The following ZXDC variants were observed in gnomAD, a reference collection of about 807,000 sequenced individuals.
The protein encoded by ZXDC is zinc finger protein ZXDC.
Under a neutral mutation model 63.6 loss-of-function variants are expected in ZXDC, and 58 were observed. The ratio of observed to expected loss-of-function variants is 0.91; its 90% CI spans 0.74 to 1.13. The LOEUF is 1.13. Ranked by LOEUF, ZXDC falls within the 50% of genes most tolerant of loss-of-function variation. The pLI is 0.00. For synonymous variants in ZXDC, 561 were observed against 496.1 expected (o/e 1.13, Z -1.74); for missense variants, 1,133 against 1,148.9 (o/e 0.99, Z 0.20).
intron 8 of ZXDC, 31 bp from the exon 9 acceptor site, chr3:126,439,758 A>T (rs780095467): frequency 2.9e-5 from 45 of 1,544,162 alleles, no homozygotes; most frequent in Non-Finnish European, 4.4e-6. Flanking sequence ...GGCCTGTCAC[A>T]TGTCTGTGAG....
chr3:126,471,490 C>T (rs1934978402), intron 3 of ZXDC, among the ~76,000 whole-genome samples: 1 of 152,152 alleles, frequency 6.6e-6, no homozygotes, highest in African/African-American at 2.4e-5. Context: ...ATCCTCAGAG[C>T]CCAGCTGTGC....
intron 7 of ZXDC, among the ~76,000 whole-genome samples, chr3:126,444,035 CTT>C (rs1467998820): frequency 6.6e-6 from 1 of 152,096 alleles, no homozygotes; most frequent in Non-Finnish European, 1.5e-5. Context: ...CAATTAAAAA[CTT>C]TTTTAAAATA....
chr3:126,474,827 T>A (rs1935118493), intron 1 of ZXDC, 132 bp downstream of exon 1: 1 of 1,085,680 alleles, frequency 9.2e-7, no homozygotes, highest in Middle Eastern at 3.1e-4. Flanking sequence ...TGGAAGGAGC[T>A]AGAATACAAA....
intron 4 of ZXDC, among the ~76,000 whole-genome samples, chr3:126,469,377 C>A (rs1934892852): frequency 6.6e-6 from 1 of 152,206 alleles, no homozygotes; most frequent in Admixed American, 6.5e-5. Flanking sequence ...ACCAAAAACA[C>A]AACATGTCCA....
intron 7 of ZXDC, among the ~76,000 whole-genome samples, chr3:126,444,977 G>C (rs1933826421): frequency 6.6e-6 from 1 of 152,138 alleles, no homozygotes; most frequent in African/African-American, 2.4e-5. Flanking sequence ...AAAAAAGATA[G>C]GCTGTAACGA....
In ZXDC at chr3:126,461,601, G is replaced by C. The variant is rs950318920; in HGVS notation, c.2061C>G (p.Pro687=). Residue 687 remains proline (P), a synonymous_variant, in exon 6 of 10, where the codon CCC becomes CCG. Coordinates refer to ENST00000389709, the MANE Select transcript of ZXDC (RefSeq NM_025112.5). The part of the protein sequence containing the change: ...GSHGLPQSTL[P]SPAEQHGAQD... ...GGGCACCGTGCTGCTCTGCTGGACT[G>C]GGCAACGTGGACTGGGGCAGCCCAT... 6.2e-7 allele frequency: 1 copy of C among 1,614,040 alleles called. No homozygotes were observed. Among genetic ancestry groups the C allele is most frequent in the African/African-American group, 1.3e-5 (1 of 74,912 alleles).
chr3:126,440,054 C>T (rs537450377), intron 8 of ZXDC: 26 of 1,156,032 alleles, frequency 2.2e-5, no homozygotes, highest in East Asian at 1.6e-4. Flanking sequence ...TGCCCTGGCA[C>T]GCCCTGTACC....
chr3:126,469,734 C>T (rs143644502), intron 4 of ZXDC, among the ~76,000 whole-genome samples: 107 of 152,312 alleles, frequency 7.0e-4, no homozygotes, highest in African/African-American at 2.3e-3. Flanking sequence ...CAGCTGACCG[C>T]GAGGCCGTTC....
intron 7 of ZXDC, chr3:126,452,912 T>C (rs1267526246): frequency 1.8e-6 from 1 of 562,026 alleles, no homozygotes. Flanking sequence ...CTAATTATTA[T>C]TTTTTTTACA....
intron 7 of ZXDC, chr3:126,454,752 T>C: frequency 3.0e-6 from 3 of 985,428 alleles, no homozygotes; most frequent in Non-Finnish European, 3.6e-6. Flanking sequence ...TACATACCCA[T>C]TTATAGTTCT....
In ZXDC at chr3:126,475,562, C is replaced by A; in HGVS notation, c.304G>T (p.Val102Phe). 2 of 1,415,994 alleles carry A rather than the reference C, an allele frequency of 1.4e-6. No individual in the cohort carries two copies. Among genetic ancestry groups the A allele is most frequent in the Non-Finnish European group, 1.9e-6 (2 of 1,080,862 alleles). 87.7% of individuals were successfully genotyped at this position (1,415,994 alleles called of 1,614,324 possible). A position where few individuals can be genotyped will look rare whatever the true frequency, so the allele number is the denominator to read the frequency against. ...TGCTCGGGGCGGCTCGCCAGGTTGA[C>A]ACGGGAGCCAGGCTCGGCCTCCTGT... ...GSQEAEPGSR[V>F]NLASRPEQGP... is the part of the protein sequence containing the mutation. Residue 102 changes from valine to phenylalanine, a missense_variant, in exon 1 of 10, where the codon GTC becomes TTC. By Grantham distance (50) the Val-to-Phe change is conservative. Coordinates refer to ENST00000389709, the MANE Select transcript of ZXDC (RefSeq NM_025112.5).
At position 126,466,213 on chromosome 3, in the gene ZXDC, G is replaced by C; in HGVS notation, c.1383C>G (p.Leu461=). The C allele has an allele frequency of 6.2e-7, 1 of 1,614,242 alleles. No homozygotes were observed. Among genetic ancestry groups the C allele is most frequent in the Non-Finnish European group, 8.5e-7 (1 of 1,180,048 alleles). Residue 461 remains leucine (L), a synonymous_variant, in exon 5 of 10, where the codon CTC becomes CTG. Transcript: ENST00000389709. ...CCTTCATGCTGTGCTTGGAGGTGAA[G>C]AGTCTGTTGCAGGTAGAAACTGGGC... The part of the protein sequence containing the change: ...SRCPVSTCNR[L]FTSKHSMKAH...
At chr3:126,468,702 C>A (rs1934867094) in intron 4 of ZXDC, among the ~76,000 whole-genome samples, 1 of 152,222 alleles carries the variant, frequency 6.6e-6, no homozygotes, top group Non-Finnish European at 1.5e-5. Flanking sequence ...CTCAGGGCAC[C>A]AGAGCAGGAC....
At chr3:126,458,967 G>A (rs1023310881) in intron 7 of ZXDC, 1 of 980,050 alleles carries the variant, frequency 1.0e-6, no homozygotes, top group Non-Finnish European at 1.2e-6. Flanking sequence ...GGAATAGAGA[G>A]CAAGATATAA....
chr3:126,458,672 CT>C (rs1934404443), intron 7 of ZXDC: 1 of 985,434 alleles, frequency 1.0e-6, no homozygotes, highest in Non-Finnish European at 1.2e-6. Context: ...ATGTTTGTCT[CT>C]TTTTTCTTCA....
At chr3:126,447,303 A>G (rs1933919140) in intron 7 of ZXDC, among the ~76,000 whole-genome samples, 1 of 152,204 alleles carries the variant, frequency 6.6e-6, no homozygotes, top group Admixed American at 6.5e-5. Flanking sequence ...GTCATGAGTG[A>G]GCCTGGCATA....
chr3:126,441,591 A>G, intron 8 of ZXDC, 174 bp downstream of exon 8: 2 of 1,341,760 alleles, frequency 1.5e-6, no homozygotes, highest in Non-Finnish European at 1.9e-6. Flanking sequence ...AAAAGGGAGG[A>G]GCTGGGCTGT....
chr3:126,449,521 G>A (rs1344617149), intron 7 of ZXDC, among the ~76,000 whole-genome samples: 1 of 152,242 alleles, frequency 6.6e-6, no homozygotes, highest in African/African-American at 2.4e-5. Context: ...GCTGCAGGTG[G>A]AGCCACACCT....
chr3:126,471,645 TACC>T (rs945572561), intron 3 of ZXDC, among the ~76,000 whole-genome samples: 1 of 151,954 alleles, frequency 6.6e-6, no homozygotes, highest in African/African-American at 2.4e-5. Context: ...GGGTTGTCAT[TACC>T]ACCATGAAAA....
Sources: allele counts gnomAD v4.1 joint callset (sites outside exome capture counted in the v4.1 genomes callset), GRCh38; gene constraint gnomAD v4.1.1; transcripts MANE v1.5; gene names NCBI Gene and HGNC (gene_info 2026-07-23, HGNC 2026-07-21).